Variants in MAST1 observed in about 807,000 individuals in gnomAD.
MAST1 encodes microtubule associated serine/threonine kinase 1, also known as microtubule-associated serine/threonine-protein kinase 1.
A neutral mutation model predicts 124.6 loss-of-function variants in MAST1; 40 were observed. That is an observed-to-expected ratio of 0.32 (90% CI 0.25 to 0.42). The LOEUF (loss-of-function observed/expected upper bound fraction) is 0.42, where lower values mean the gene tolerates loss of function less well. Among genes scored for constraint, MAST1 ranks in the 10% least tolerant of loss-of-function variants. MAST1 has a pLI of 1.00. For missense variants in MAST1, 1,558 were observed against 2,181.9 expected (o/e 0.71, Z 5.70); for synonymous variants, 938 against 939.4 (o/e 1.00, Z 0.03).
At chr19:12,849,493 C>G (rs998513592) in intron 7 of MAST1, among the ~76,000 whole-genome samples, 1 of 151,950 alleles carries the variant, frequency 6.6e-6, no homozygotes, top group Non-Finnish European at 1.5e-5. Flanking sequence ...GAAACTCTGT[C>G]TTTACTAAAA....
chr19:12,841,026 C>A lies in MAST1; in HGVS notation c.208C>A (p.Pro70Thr), dbSNP rs771015021. ...CCTGGACAGCCCCCGAAACTTCTCC[C>A]CCAACACCCCCGCCCACTTCTCGTT... is the stretch of plus-strand genomic sequence containing the variant. Reference protein sequence around the residue: ...SPLDSPRNFSPNTPAHFSFAS... With the variant: ...SPLDSPRNFSTNTPAHFSFAS... The change falls in exon 3 of 26, where the codon CCC (proline) becomes ACC (threonine). Residue 70 changes from proline to threonine, a missense_variant. Coordinates refer to ENST00000251472, the MANE Select transcript of MAST1 (RefSeq NM_014975.3). This position sits in a 1 kb window ranked among gnomAD's most constrained non-coding sequence, Gnocchi z 4.3. 1.3e-6 allele frequency: 2 copies of A among 1,534,866 alleles called. No homozygotes were observed. Among genetic ancestry groups the A allele is most frequent in the Admixed American group, 3.3e-5 (2 of 59,896 alleles).
At chr19:12,869,425 GTTTCT>G (rs2145911462) in intron 22 of MAST1, 130 bp downstream of exon 22, 1 of 703,382 alleles carries the variant, frequency 1.4e-6, no homozygotes. Context: ...CTCTAAACCT[GTTTCT>G]TTTTTCTTTT....
chr19:12,872,947 T>C (rs964430501), intron 24 of MAST1, among the ~76,000 whole-genome samples: 2 of 151,826 alleles, frequency 1.3e-5, no homozygotes, highest in African/African-American at 4.8e-5. Flanking sequence ...TGAGTGTTTG[T>C]AGCCAGAATT....
intron 2 of MAST1, 78 bp from the exon 3 acceptor site, chr19:12,840,913 G>A: frequency 1.3e-6 from 1 of 782,716 alleles, no homozygotes; most frequent in Non-Finnish European, 2.4e-6. Flanking sequence ...CTAGACTAAA[G>A]ACAGGACATG....
rs547693402 is a variant in MAST1 at position 12,839,540 on chromosome 19, G to A, written c.83+885G>A. On this transcript the variant is annotated intron_variant, in intron 1 of 25. Transcript: ENST00000251472. ...AGGGATCTTGCAGAGACAGAACCAC[G>A]CAAAATCACATGTTATCACATTGCA... 8.5e-5 allele frequency among the ~76,000 whole-genome samples: 13 copies of A among 152,270 alleles called. No individual in the cohort carries two copies. The East Asian group carries it at 2.1e-3, about 25-fold the overall frequency.
At chr19:12,845,836 T>A (rs1356653798) in intron 4 of MAST1, among the ~76,000 whole-genome samples, 1 of 151,940 alleles carries the variant, frequency 6.6e-6, no homozygotes, top group African/African-American at 2.4e-5. Context: ...TTTTTATATT[T>A]TTAGTAGAGA....
chr19:12,871,810 G>A (rs1382708372), intron 24 of MAST1, among the ~76,000 whole-genome samples: 5 of 151,472 alleles, frequency 3.3e-5, no homozygotes, highest in Non-Finnish European at 4.4e-5. Flanking sequence ...TCAGCTACTC[G>A]GAGGCTGAAG....
chr19:12,867,535 G>T lies in MAST1; in HGVS notation c.2201G>T (p.Gly734Val), dbSNP rs745970092. 9.3e-6 allele frequency: 15 copies of T among 1,613,692 alleles called. No homozygotes were observed. Among genetic ancestry groups the T allele is most frequent in the Non-Finnish European group, 1.1e-5 (13 of 1,180,004 alleles). The change falls in exon 19 of 26, where the codon GGG (glycine) becomes GTG (valine). Residue 734 changes from glycine (G) to valine (V), a missense_variant. Gly to Val is a moderately radical substitution (Grantham distance 109). Transcript: ENST00000251472. ...HEPKTPVAAA[G>V]SSKREPSTKG... ...CCCAAGACCCCAGTAGCAGCTGCAGGGAGCAGCAAGCGGGAGCCGAGCACC... is the reference window on the plus strand; with the variant it reads ...CCCAAGACCCCAGTAGCAGCTGCAGTGAGCAGCAAGCGGGAGCCGAGCACC...
intron 12 of MAST1, among the ~76,000 whole-genome samples, chr19:12,860,513 C>T (rs1189370252): frequency 5.5e-5 from 8 of 145,784 alleles, no homozygotes; most frequent in Non-Finnish European, 3.0e-5. Flanking sequence ...GGCGCTATCT[C>T]GGCTCACTGT....
At chr19:12,839,136 G>T (rs1969796409) in intron 1 of MAST1, among the ~76,000 whole-genome samples, 1 of 127,864 alleles carries the variant, frequency 7.8e-6, no homozygotes, top group Non-Finnish European at 1.6e-5. Flanking sequence ...GAAAAAAGGG[G>T]GGGTTTATCA....
Position 12,852,225 on chromosome 19 carries a change from C to A in MAST1, c.987C>A (p.Gly329=). 6.2e-7 allele frequency: 1 copy of A among 1,614,040 alleles called. No individual in the cohort carries two copies. The highest frequency in any genetic ancestry group is 8.5e-7 in the Non-Finnish European group (1 of 1,180,002). ...DIPRYIIRQL[G]LTRDPFPDVV... ...CCCGCTACATCATCCGCCAGCTGGGCCTCACCCGTGACCCCTTTCCAGGTG... is the reference window on the plus strand; with the variant it reads ...CCCGCTACATCATCCGCCAGCTGGGACTCACCCGTGACCCCTTTCCAGGTG... Residue 329 remains glycine, a synonymous_variant, in exon 9 of 26, where the codon GGC becomes GGA. Coordinates refer to ENST00000251472, the MANE Select transcript of MAST1 (RefSeq NM_014975.3).
rs767853935 is a variant in MAST1 at position 12,866,989 on chromosome 19, A to G, written c.2139+227A>G. On this transcript the variant is annotated intron_variant, in intron 18 of 25. Transcript: ENST00000251472. This position sits in a 1 kb window ranked among gnomAD's most constrained non-coding sequence, Gnocchi z 5.2. ...AACAGGAATCAGGACAGTTGTGCAG[A>G]TTGAGGCCATGGTGGGGCGGGGCTA... 7.3e-6 allele frequency among the ~76,000 whole-genome samples: 1 copy of G among 136,370 alleles called. No homozygotes were observed. The highest frequency in any genetic ancestry group is 1.6e-5 in the Non-Finnish European group (1 of 63,614). 89.5% of individuals were successfully genotyped at this position (136,370 alleles called of 152,430 possible).
chr19:12,873,170 C>T (rs1970259706), intron 24 of MAST1, 154 bp from the exon 25 acceptor site: 1 of 700,256 alleles, frequency 1.4e-6, no homozygotes, highest in South Asian at 1.8e-5. Flanking sequence ...CAGCACTGAG[C>T]TAAAGGAAGT....
At chr19:12,849,699 A>G (rs1360582637) in intron 7 of MAST1, among the ~76,000 whole-genome samples, 1 of 152,028 alleles carries the variant, frequency 6.6e-6, no homozygotes, top group Non-Finnish European at 1.5e-5. Context: ...ATAATTAGCT[A>G]GGTGTAGTGG....
Position 12,858,624 on chromosome 19 carries a change from G to A in MAST1, c.1251G>A (p.Gln417=), listed in dbSNP as rs749523110. The A allele has an allele frequency of 6.2e-6, 10 of 1,614,140 alleles. No homozygotes were observed. In the Admixed American group the frequency reaches 6.7e-5, roughly 11 times the overall value. ...KQNLILRNQI[Q]QAFVERDILT... ...ACTTGATCCTCCGCAACCAGATCCAGCAGGCCTTTGTGGAGCGCGATATCC... is the reference window on the plus strand; with the variant it reads ...ACTTGATCCTCCGCAACCAGATCCAACAGGCCTTTGTGGAGCGCGATATCC... Residue 417 remains glutamine, a synonymous_variant, in exon 12 of 26, where the codon CAG becomes CAA. Transcript: ENST00000251472.
chr19:12,874,043 A>G lies in MAST1; in HGVS notation c.3886A>G (p.Lys1296Glu). The G allele has an allele frequency of 1.2e-6, 2 of 1,604,796 alleles. No individual in the cohort carries two copies. The highest frequency in any genetic ancestry group is 8.5e-7 in the Non-Finnish European group (1 of 1,178,138). ...SLEVGHPDFRKDFHGELALHS... is the reference protein window; with the variant it reads ...SLEVGHPDFREDFHGELALHS... Reference sequence around the variant, plus strand: ...CGAGGTGGGCCACCCGGATTTCCGCAAGGACTTCCATGGCGAGCTGGCGCT... The same window carrying G: ...CGAGGTGGGCCACCCGGATTTCCGCGAGGACTTCCATGGCGAGCTGGCGCT... Residue 1296 changes from lysine to glutamate, a missense_variant, in exon 26 of 26, where the codon AAG (lysine) becomes GAG (glutamate). This residue lies in a region of MAST1 where 263 missense variants were observed against 310.9 expected (regional missense o/e 0.85). Transcript: ENST00000251472. This position sits in a 1 kb window ranked among gnomAD's most constrained non-coding sequence, Gnocchi z 6.6.
chr19:12,840,318 C>T lies in MAST1; in HGVS notation c.84-128C>T, dbSNP rs922316238. On this transcript the variant is annotated intron_variant, in intron 1 of 25. Transcript: ENST00000251472. ...CACCACCTTTCTTCGAGAAACCCTC[C>T]CAGGGAGCCTCCAAACACACATGGA... 6.0e-6 allele frequency: 4 copies of T among 663,610 alleles called. No homozygotes were observed. In the Admixed American group the frequency reaches 7.0e-5, roughly 12 times the overall value. 41.1% of individuals were successfully genotyped at this position (663,610 alleles called of 1,614,324 possible).
chr19:12,874,490 G>A lies in MAST1; in HGVS notation c.4333G>A (p.Ala1445Thr). The part of the protein sequence containing the change: ...PIVVEPARPG[A>T]KAVVPQPLGA... ...TGTCGTAGAGCCTGCGCGGCCCGGG[G>A]CTAAGGCTGTGGTGCCTCAGCCTCT... Residue 1445 changes from alanine to threonine, a missense_variant, in exon 26 of 26, where the codon GCT becomes ACT. Ala to Thr is a moderately conservative substitution (Grantham distance 58). Around this residue, in one of 10 missense-constraint regions of MAST1, gnomAD observed 263 missense variants for 310.9 expected, o/e 0.85. Coordinates refer to ENST00000251472, the MANE Select transcript of MAST1 (RefSeq NM_014975.3). The surrounding 1 kb of genome is among the most constrained non-coding windows in gnomAD (Gnocchi z 6.6). 1 of 1,561,146 alleles carries A rather than the reference G, an allele frequency of 6.4e-7. No homozygotes were observed. Among genetic ancestry groups the A allele is most frequent in the Non-Finnish European group, 8.6e-7 (1 of 1,156,184 alleles).
At position 12,838,753 on chromosome 19, in the gene MAST1, TCCAGCTGCGCCAGAGGTGCC is replaced by T. The variant is rs1485850351; in HGVS notation, c.83+110_83+129del. Reference sequence around the variant, plus strand: ...GCGGGGCCCGGGATGCTGCGCCCGGTCCAGCTGCGCCAGAGGTGCCCCAGCTGCGCCTTCCCGCCGGGGTT... The same window carrying T: ...GCGGGGCCCGGGATGCTGCGCCCGGTCCAGCTGCGCCTTCCCGCCGGGGTT... On this transcript the variant is annotated intron_variant, in intron 1 of 25. Coordinates refer to ENST00000251472, the MANE Select transcript of MAST1 (RefSeq NM_014975.3). This position sits in a 1 kb window ranked among gnomAD's most constrained non-coding sequence, Gnocchi z 4.3. 13 of 1,095,382 alleles carry T rather than the reference TCCAGCTGCGCCAGAGGTGCC, an allele frequency of 1.2e-5. No individual in the cohort carries two copies. Among genetic ancestry groups the T allele is most frequent in the Non-Finnish European group, 1.5e-5 (12 of 786,254 alleles). 67.9% of individuals were successfully genotyped at this position (1,095,382 alleles called of 1,614,324 possible).
Sources: allele counts gnomAD v4.1 joint callset (sites outside exome capture counted in the v4.1 genomes callset), GRCh38; gene constraint gnomAD v4.1.1; regional missense constraint gnomAD v4.1.1; non-coding constraint Gnocchi (gnomAD v3.1); transcripts MANE v1.5; gene names NCBI Gene and HGNC (gene_info 2026-07-23, HGNC 2026-07-21).